DYNC1I1: variants seen among roughly 807,000 people sequenced by gnomAD.
The protein encoded by DYNC1I1 is cytoplasmic dynein 1 intermediate chain 1.
DYNC1I1 carries 43 observed loss-of-function variants against 86.6 expected under a neutral mutation model. The observed-to-expected ratio is 0.50, with a 90% CI of 0.39 to 0.64. DYNC1I1 has a LOEUF of 0.64. DYNC1I1 is among the 30% of genes least tolerant of loss of function. The pLI is 0.00. For missense variants in DYNC1I1, 604 were observed against 788.8 expected, an observed-to-expected ratio of 0.77 and a Z score of 2.81; for synonymous variants, 262 against 283.7, an observed-to-expected ratio of 0.92 and a Z score of 0.77.
At chr7:96,060,918 A>T (rs1789746230) in intron 14 of DYNC1I1, among the ~76,000 whole-genome samples, 1 of 152,204 alleles carries the variant, frequency 6.6e-6, no homozygotes, top group African/African-American at 2.4e-5. Flanking sequence ...AGGCAGCCCC[A>T]AAATGGAACA....
chr7:96,055,774 G>A (rs1378339840), intron 14 of DYNC1I1: 3 of 152,072 alleles, frequency 2.0e-5, no homozygotes, highest in African/African-American at 7.2e-5. Flanking sequence ...CCAGAGTGAA[G>A]TAACTGGCCC....
chr7:95,967,742 C>T (rs1405555537), intron 6 of DYNC1I1, among the ~76,000 whole-genome samples: 4 of 152,134 alleles, frequency 2.6e-5, no homozygotes, highest in Admixed American at 2.0e-4. Context: ...ATCTCCAATA[C>T]GTAGAATATA....
intron 2 of DYNC1I1, among the ~76,000 whole-genome samples, chr7:95,809,031 A>G (rs1794767110): frequency 6.6e-6 from 1 of 152,200 alleles, no homozygotes; most frequent in African/African-American, 2.4e-5. Context: ...ATAAGAGATT[A>G]AACTGCCATT....
intron 12 of DYNC1I1, among the ~76,000 whole-genome samples, chr7:96,033,229 A>G (rs1418152769): frequency 6.6e-6 from 1 of 152,206 alleles, no homozygotes; most frequent in Non-Finnish European, 1.5e-5. Flanking sequence ...GCCTGTGTGT[A>G]TGAAGAAACC....
chr7:96,104,900 T>G (rs1390732980), intron 16 of DYNC1I1, among the ~76,000 whole-genome samples: 1 of 152,138 alleles, frequency 6.6e-6, no homozygotes, highest in Non-Finnish European at 1.5e-5. Context: ...TGTGGAATTC[T>G]TTTAAAAAAA....
intron 6 of DYNC1I1, among the ~76,000 whole-genome samples, chr7:95,906,749 G>A (rs1791188049): frequency 6.6e-6 from 1 of 151,964 alleles, no homozygotes; most frequent in Non-Finnish European, 1.5e-5. Context: ...TTTATTTATA[G>A]AAAGCCCCAT....
At chr7:95,798,825 T>C (rs1260072485) in intron 1 of DYNC1I1, among the ~76,000 whole-genome samples, 3 of 152,184 alleles carry the variant, frequency 2.0e-5, no homozygotes, top group Non-Finnish European at 4.4e-5. Flanking sequence ...CACTTTGTTC[T>C]AAATAGGACC....
chr7:96,077,586 A>G (rs2116253964), intron 15 of DYNC1I1, among the ~76,000 whole-genome samples: 1 of 152,258 alleles, frequency 6.6e-6, no homozygotes, highest in East Asian at 1.9e-4. Context: ...AGTCTTCATC[A>G]CTGTTTATTA....
chr7:95,980,378 C>A (rs547613582), intron 7 of DYNC1I1, among the ~76,000 whole-genome samples: 1 of 151,426 alleles, frequency 6.6e-6, no homozygotes. Flanking sequence ...ATAATCGTGG[C>A]GCCATTCACA....
rs554291894 is a variant in DYNC1I1 at position 95,803,568 on chromosome 7, A to T, written c.-9-1153A>T. On this transcript the variant is annotated intron_variant, in intron 1 of 16. Transcript: ENST00000447467. ...AAAGTGTGTCCCAGAGTGACTGTAG[A>T]TTCATGATTACCGTCTGGGGACAAC... Among the ~76,000 whole-genome samples the T allele has an allele frequency of 3.3e-5, 5 of 152,328 alleles. No homozygotes were observed. The East Asian group carries it at 9.7e-4, about 29-fold the overall frequency.
chr7:95,916,784 T>C (rs891454578), intron 6 of DYNC1I1, among the ~76,000 whole-genome samples: 1 of 152,186 alleles, frequency 6.6e-6, no homozygotes, highest in African/African-American at 2.4e-5. Context: ...CGCTGCTGGC[T>C]TACTTTTTAG....
At chr7:95,784,922 C>A (rs1794089110) in intron 1 of DYNC1I1, among the ~76,000 whole-genome samples, 1 of 152,190 alleles carries the variant, frequency 6.6e-6, no homozygotes, top group Non-Finnish European at 1.5e-5. Flanking sequence ...CAGGTTCTGC[C>A]ATTCACTTGG....
At chr7:95,800,653 T>C (rs1794554938) in intron 1 of DYNC1I1, among the ~76,000 whole-genome samples, 1 of 152,158 alleles carries the variant, frequency 6.6e-6, no homozygotes, top group Non-Finnish European at 1.5e-5. Context: ...TGGTGGAACA[T>C]GTAGATGATC....
intron 5 of DYNC1I1, among the ~76,000 whole-genome samples, chr7:95,860,630 G>A (rs572692208): frequency 6.6e-6 from 1 of 152,268 alleles, no homozygotes; most frequent in Admixed American, 6.5e-5. Context: ...CATTTGTGCT[G>A]TTATAACTAA....
chr7:95,789,436 G>A (rs566783780), intron 1 of DYNC1I1, among the ~76,000 whole-genome samples: 18 of 152,276 alleles, frequency 1.2e-4, no homozygotes, highest in African/African-American at 3.6e-4. Context: ...TTAATCTTTC[G>A]AGAACACCCA....
chr7:95,900,909 T>A (rs1791021349), intron 6 of DYNC1I1, among the ~76,000 whole-genome samples: 1 of 152,210 alleles, frequency 6.6e-6, no homozygotes, highest in Non-Finnish European at 1.5e-5. Context: ...TGAGTGTATT[T>A]AATGAAAGAT....
chr7:95,933,638 T>C (rs1791961512), intron 6 of DYNC1I1, among the ~76,000 whole-genome samples: 1 of 152,188 alleles, frequency 6.6e-6, no homozygotes, highest in South Asian at 2.1e-4. Flanking sequence ...TTTCTGTTCA[T>C]GATAGACACA....
At chr7:96,022,472 G>T (rs1473099695) in intron 10 of DYNC1I1, among the ~76,000 whole-genome samples, 3 of 152,072 alleles carry the variant, frequency 2.0e-5, no homozygotes, top group East Asian at 1.9e-4. Flanking sequence ...CATTAATGGG[G>T]TGATAACTTT....
chr7:96,032,595 T>C, intron 11 of DYNC1I1, 72 bp from the exon 12 acceptor site: 2 of 1,139,670 alleles, frequency 1.8e-6, no homozygotes, highest in Non-Finnish European at 2.6e-6. Flanking sequence ...TTTAGAGTAA[T>C]GTGTTTGACA....
Sources: gnomAD v4.1 joint callset for allele counts (sites outside exome capture counted in the v4.1 genomes callset) on GRCh38, gnomAD v4.1.1 for gene constraint, MANE v1.5 for transcripts, NCBI Gene and HGNC (gene_info 2026-07-23, HGNC 2026-07-21) for gene names.